The following CHST11 variants were observed in gnomAD, a reference collection of about 807,000 sequenced individuals.
CHST11 encodes C4S-1.
A neutral mutation model predicts 30.4 loss-of-function variants in CHST11; 9 were observed. The observed-to-expected ratio is 0.30, with a 90% CI of 0.18 to 0.52. The LOEUF is 0.52. Ranked by LOEUF, CHST11 falls within the 20% of genes least tolerant of loss-of-function variation. The pLI, the probability that CHST11 is intolerant of heterozygous loss-of-function variation, is 0.97. For missense variants in CHST11, 348 were observed against 460.6 expected (o/e 0.76, Z 2.24); for synonymous variants, 152 against 187.8 (o/e 0.81, Z 1.56).
intron 2 of CHST11, among the ~76,000 whole-genome samples, chr12:104,675,915 G>T (rs1305353038): frequency 6.6e-6 from 1 of 152,104 alleles, no homozygotes; most frequent in East Asian, 1.9e-4. Context: ...GAAGGTGGGG[G>T]CTTACTCAGG....
At position 104,497,899 on chromosome 12, in the gene CHST11, C is replaced by T. The variant is rs7315246; in HGVS notation, c.118+40370C>T. On this transcript the variant is annotated intron_variant, in intron 1 of 2. Transcript: ENST00000303694. ...CCACCCTGCATGTGCTGAGTATCTT[C>T]CTGCCCCCTCTTTTTTTTTTTTTTT... Among the ~76,000 whole-genome samples, 867 of 147,498 alleles carry T rather than the reference C, an allele frequency of 5.9e-3. 8 individuals carry two copies. The highest frequency in any genetic ancestry group is 0.021 in the African/African-American group (828 of 39,740).
At chr12:104,749,901 A>G (rs1268690423) in intron 2 of CHST11, among the ~76,000 whole-genome samples, 1 of 152,226 alleles carries the variant, frequency 6.6e-6, no homozygotes, top group Non-Finnish European at 1.5e-5. Flanking sequence ...CAAGAAGTCC[A>G]CAGATAGAAC....
chr12:104,670,636 TGC>T (rs1443305248), intron 2 of CHST11, among the ~76,000 whole-genome samples: 1 of 141,814 alleles, frequency 7.1e-6, no homozygotes, highest in Non-Finnish European at 1.5e-5. Context: ...CTCACACTCA[TGC>T]ACACTCTCCC....
chr12:104,739,795 TGAG>T (rs2040332563), intron 2 of CHST11, among the ~76,000 whole-genome samples: 1 of 152,178 alleles, frequency 6.6e-6, no homozygotes, highest in African/African-American at 2.4e-5. Context: ...ACTTTACTGA[TGAG>T]GAGACTGAGG....
chr12:104,709,425 C>T (rs546603521), intron 2 of CHST11, among the ~76,000 whole-genome samples: 1 of 152,336 alleles, frequency 6.6e-6, no homozygotes, highest in South Asian at 2.1e-4. Context: ...GGTAGAGGGA[C>T]AGGCACTGTC....
intron 2 of CHST11, among the ~76,000 whole-genome samples, chr12:104,619,716 A>G (rs147541856): frequency 2.6e-5 from 4 of 152,286 alleles, no homozygotes; most frequent in African/African-American, 9.6e-5. Context: ...GGCTGTTTAC[A>G]CCGATCCATA....
At chr12:104,696,994 T>C (rs1285480390) in intron 2 of CHST11, among the ~76,000 whole-genome samples, 2 of 152,242 alleles carry the variant, frequency 1.3e-5, no homozygotes, top group African/African-American at 4.8e-5. Flanking sequence ...TATGATTATA[T>C]TGCATTCTAT....
chr12:104,694,260 C>T lies in CHST11; in HGVS notation c.205-62689C>T, dbSNP rs148457984. ...TTCAAACCTACCTCCACTCTCCAGCCGCAGTCCAGCCCCAGCCAAGCCACT... is the reference window on the plus strand; with the variant it reads ...TTCAAACCTACCTCCACTCTCCAGCTGCAGTCCAGCCCCAGCCAAGCCACT... On this transcript the variant is annotated intron_variant, in intron 2 of 2. Transcript: ENST00000303694. Among the ~76,000 whole-genome samples, 190 of 152,262 alleles carry T rather than the reference C, an allele frequency of 1.2e-3. 4 individuals carry two copies. The East Asian group carries it at 0.029, about 24-fold the overall frequency.
intron 2 of CHST11, among the ~76,000 whole-genome samples, chr12:104,630,588 C>T (rs1592804458): frequency 6.6e-6 from 1 of 152,306 alleles, no homozygotes; most frequent in East Asian, 1.9e-4. Flanking sequence ...GTAAATTGGC[C>T]TTCCCGAAAG....
chr12:104,520,744 C>T (rs540838624), intron 1 of CHST11, among the ~76,000 whole-genome samples: 4 of 152,074 alleles, frequency 2.6e-5, no homozygotes, highest in Non-Finnish European at 5.9e-5. Flanking sequence ...AGCATGGGAG[C>T]GGGGATGGCA....
intron 2 of CHST11, among the ~76,000 whole-genome samples, chr12:104,738,632 A>T (rs2040321781): frequency 6.6e-6 from 1 of 152,180 alleles, no homozygotes; most frequent in Non-Finnish European, 1.5e-5. Context: ...TCTGAGCTTT[A>T]CAGCCACCTT....
At chr12:104,665,681 C>G (rs945775033) in intron 2 of CHST11, among the ~76,000 whole-genome samples, 4 of 138,400 alleles carry the variant, frequency 2.9e-5, no homozygotes, top group Admixed American at 2.4e-4. Context: ...AAAACTTGAA[C>G]ACTCTGCATT....
intron 1 of CHST11, among the ~76,000 whole-genome samples, chr12:104,505,152 C>T (rs1016018397): frequency 2.0e-5 from 3 of 152,186 alleles, no homozygotes; most frequent in African/African-American, 7.2e-5. Context: ...TTCAGCCTGG[C>T]AGAACAGCGC....
intron 1 of CHST11, among the ~76,000 whole-genome samples, chr12:104,462,622 G>C (rs1323770791): frequency 6.6e-6 from 1 of 151,944 alleles, no homozygotes; most frequent in Non-Finnish European, 1.5e-5. Flanking sequence ...AATTTGTAGG[G>C]GCTGTTCTTA....
intron 2 of CHST11, among the ~76,000 whole-genome samples, chr12:104,621,827 C>T (rs547279317): frequency 1.3e-5 from 2 of 152,320 alleles, no homozygotes; most frequent in South Asian, 2.1e-4. Flanking sequence ...CTAACATGCA[C>T]ACACCCCTTT....
At chr12:104,591,178 A>C (rs866323916) in intron 1 of CHST11, among the ~76,000 whole-genome samples, 3 of 151,012 alleles carry the variant, frequency 2.0e-5, no homozygotes, top group African/African-American at 7.3e-5. Flanking sequence ...GGAGGGGCAG[A>C]GGCAGGCGGG....
chr12:104,559,743 C>G (rs924969297), intron 1 of CHST11, among the ~76,000 whole-genome samples: 6 of 151,340 alleles, frequency 4.0e-5, no homozygotes, highest in Non-Finnish European at 8.8e-5. Flanking sequence ...AACTCCATCT[C>G]AAAAAAATAA....
At chr12:104,620,777 C>T (rs1002291315) in intron 2 of CHST11, among the ~76,000 whole-genome samples, 4 of 152,050 alleles carry the variant, frequency 2.6e-5, no homozygotes, top group African/African-American at 9.7e-5. Context: ...ACTTTCTTTT[C>T]ACTAACACAA....
intron 2 of CHST11, among the ~76,000 whole-genome samples, chr12:104,647,335 T>C (rs1380566904): frequency 1.3e-5 from 2 of 152,204 alleles, no homozygotes; most frequent in African/African-American, 4.8e-5. Flanking sequence ...AACACTTGCC[T>C]TTGATATAAA....
Sources: allele counts gnomAD v4.1 joint callset (sites outside exome capture counted in the v4.1 genomes callset), GRCh38; gene constraint gnomAD v4.1.1; transcripts MANE v1.5; gene names NCBI Gene and HGNC (gene_info 2026-07-23, HGNC 2026-07-21).